COBL: variants seen among roughly 807,000 people sequenced by gnomAD.
The protein encoded by COBL is protein cordon-bleu.
COBL carries 51 observed loss-of-function variants against 98.8 expected under a neutral mutation model. The observed-to-expected ratio is 0.52, with a 90% CI of 0.41 to 0.65. The LOEUF (loss-of-function observed/expected upper bound fraction) is 0.65, where lower values mean the gene tolerates loss of function less well. Among genes scored for constraint, COBL ranks in the 30% least tolerant of loss-of-function variants. The probability of loss-of-function intolerance (pLI) is 0.00; values close to 1 mark genes in which losing one functional copy is unlikely to be tolerated. For synonymous variants in COBL, 634 were observed against 651.7 expected (o/e 0.97, Z 0.41); for missense variants, 1,617 against 1,617.5 (o/e 1.00, Z 0.01).
chr7:51,309,814 C>T (rs920774994), intron 1 of COBL, among the ~76,000 whole-genome samples: 6 of 152,202 alleles, frequency 3.9e-5, no homozygotes, highest in Non-Finnish European at 8.8e-5. Flanking sequence ...CAAGGAGCTG[C>T]TCAGAATTCA....
chr7:51,145,231 GTCTTGAAC>G (rs1361256352), intron 5 of COBL, among the ~76,000 whole-genome samples: 1 of 152,020 alleles, frequency 6.6e-6, no homozygotes, highest in Non-Finnish European at 1.5e-5. Flanking sequence ...GGCCAGGCTG[GTCTTGAAC>G]TCTTGACCTC....
At chr7:51,287,193 G>A (rs541104394) in intron 1 of COBL, among the ~76,000 whole-genome samples, 11 of 152,092 alleles carry the variant, frequency 7.2e-5, no homozygotes, top group African/African-American at 9.6e-5. Context: ...TCAGCATCCC[G>A]CAATATACCC....
In COBL at chr7:51,219,794, G is replaced by A. The variant is rs546063750; in HGVS notation, c.192C>T (p.Asp64=). ...MKEALRASTM[D]VTVVLPSGLE... is the part of the protein sequence containing the mutation. ...GCCCACTAGGCAGGACCACGGTGACGTCCATGGTGCTGGCCCTCAGCGCCT... is the reference window on the plus strand; with the variant it reads ...GCCCACTAGGCAGGACCACGGTGACATCCATGGTGCTGGCCCTCAGCGCCT... Residue 64 remains aspartate, a synonymous_variant, in exon 2 of 13, where the codon GAC becomes GAT. Transcript: ENST00000265136. 9.3e-6 allele frequency: 15 copies of A among 1,614,120 alleles called. No individual in the cohort carries two copies. Among genetic ancestry groups the A allele is most frequent in the African/African-American group, 4.0e-5 (3 of 75,042 alleles).
At chr7:51,224,691 C>CTT (rs1303435665) in intron 1 of COBL, among the ~76,000 whole-genome samples, 1 of 151,934 alleles carries the variant, frequency 6.6e-6, no homozygotes, top group Non-Finnish European at 1.5e-5. Flanking sequence ...ATTATTTTTT[C>CTT]TTTTTTTGAG....
At chr7:51,217,375 C>A (rs1554433857) in intron 2 of COBL, among the ~76,000 whole-genome samples, 1 of 120,980 alleles carries the variant, frequency 8.3e-6, no homozygotes. Flanking sequence ...GAGTTTCTCT[C>A]TTGTTGCCCA....
intron 6 of COBL, among the ~76,000 whole-genome samples, chr7:51,111,528 C>A (rs1230115706): frequency 6.6e-6 from 1 of 152,268 alleles, no homozygotes; most frequent in Non-Finnish European, 1.5e-5. Context: ...CTTCCAGTGG[C>A]CCTGATTCTC....
intron 2 of COBL, among the ~76,000 whole-genome samples, chr7:51,204,644 G>A (rs1205759611): frequency 2.0e-5 from 3 of 149,042 alleles, no homozygotes; most frequent in East Asian, 4.2e-4. Context: ...TCCGCCTCCC[G>A]GGTTCAAGCA....
At chr7:51,040,755 G>T (rs1259597652) in intron 8 of COBL, among the ~76,000 whole-genome samples, 1 of 152,156 alleles carries the variant, frequency 6.6e-6, no homozygotes, top group Non-Finnish European at 1.5e-5. Context: ...AGAGATGAGG[G>T]CAGGAAAACA....
intron 1 of COBL, among the ~76,000 whole-genome samples, chr7:51,287,750 T>C (rs1800510741): frequency 6.6e-6 from 1 of 151,794 alleles, no homozygotes; most frequent in Non-Finnish European, 1.5e-5. Flanking sequence ...CTGCAATGGG[T>C]GGATGGGTAA....
chr7:51,295,929 T>C (rs1442763715), intron 1 of COBL, among the ~76,000 whole-genome samples: 1 of 152,228 alleles, frequency 6.6e-6, no homozygotes, highest in African/African-American at 2.4e-5. Flanking sequence ...AGTTACAGCT[T>C]GTCTGGCCTG....
At chr7:51,207,128 T>A (rs1252012646) in intron 2 of COBL, among the ~76,000 whole-genome samples, 1 of 152,138 alleles carries the variant, frequency 6.6e-6, no homozygotes, top group African/African-American at 2.4e-5. Flanking sequence ...TTATACACCT[T>A]CAGTATATAC....
At chr7:51,063,612 T>G (rs1562861958) in intron 7 of COBL, among the ~76,000 whole-genome samples, 1 of 152,228 alleles carries the variant, frequency 6.6e-6, no homozygotes, top group Non-Finnish European at 1.5e-5. Flanking sequence ...GGGCCAGGTG[T>G]GGCCCCACGA....
intron 1 of COBL, among the ~76,000 whole-genome samples, chr7:51,226,096 T>A (rs1794153593): frequency 6.6e-6 from 1 of 152,186 alleles, no homozygotes; most frequent in African/African-American, 2.4e-5. Context: ...TTTCTTACTG[T>A]CCAAGAAAAG....
At chr7:51,235,114 C>T (rs183456286) in intron 1 of COBL, among the ~76,000 whole-genome samples, 1 of 152,330 alleles carries the variant, frequency 6.6e-6, no homozygotes, top group East Asian at 1.9e-4. Flanking sequence ...ATTTCCTCCT[C>T]CACTAATCTG....
chr7:51,309,615 AAC>A (rs1309767685), intron 1 of COBL, among the ~76,000 whole-genome samples: 1 of 152,192 alleles, frequency 6.6e-6, no homozygotes, highest in Non-Finnish European at 1.5e-5. Flanking sequence ...CAATTTAAGA[AAC>A]AGTTTTTTTG....
intron 6 of COBL, among the ~76,000 whole-genome samples, chr7:51,086,021 T>C (rs926251423): frequency 1.3e-5 from 2 of 152,198 alleles, no homozygotes; most frequent in South Asian, 4.1e-4. Flanking sequence ...AATTGCTGAA[T>C]GTGAAATCTG....
chr7:51,095,963 C>T (rs931527102), intron 6 of COBL, among the ~76,000 whole-genome samples: 1 of 152,096 alleles, frequency 6.6e-6, no homozygotes, highest in Non-Finnish European at 1.5e-5. Flanking sequence ...GCTCCACTTT[C>T]AATAATGAAT....
At chr7:51,232,073 A>C (rs954386692) in intron 1 of COBL, among the ~76,000 whole-genome samples, 2 of 152,214 alleles carry the variant, frequency 1.3e-5, no homozygotes, top group African/African-American at 2.4e-5. Context: ...TCTGAGAAAT[A>C]GGACCGTTCT....
intron 2 of COBL, among the ~76,000 whole-genome samples, chr7:51,196,974 A>C (rs1790652795): frequency 6.6e-6 from 1 of 151,160 alleles, no homozygotes; most frequent in African/African-American, 2.4e-5. Context: ...AAAAAAAAAC[A>C]GCTCCAGGAT....
Sources: allele counts gnomAD v4.1 joint callset (sites outside exome capture counted in the v4.1 genomes callset), GRCh38; gene constraint gnomAD v4.1.1; transcripts MANE v1.5; gene names NCBI Gene and HGNC (gene_info 2026-07-23, HGNC 2026-07-21).